IPPK: variants seen among roughly 807,000 people sequenced by gnomAD.
IPPK encodes IPK1 homolog.
A neutral mutation model predicts 64.6 loss-of-function variants in IPPK; 22 were observed. The observed-to-expected ratio is 0.34, with a 90% CI of 0.24 to 0.49. The LOEUF is 0.49. Ranked by LOEUF, IPPK falls within the 20% of genes least tolerant of loss-of-function variation. The pLI is 0.99. For synonymous variants in IPPK, 262 were observed against 247.2 expected (o/e 1.06, Z -0.56); for missense variants, 532 against 630.7 (o/e 0.84, Z 1.68).
intron 6 of IPPK, 38 bp downstream of exon 6, chr9:92,648,021 G>A (rs770367930): frequency 5.6e-6 from 8 of 1,439,416 alleles, no homozygotes; most frequent in Non-Finnish European, 7.8e-6. Context: ...TCCCCAGCGT[G>A]CAGCTAGAGT....
At chr9:92,641,119 C>T (rs1161707541) in intron 7 of IPPK, among the ~76,000 whole-genome samples, 2 of 152,234 alleles carry the variant, frequency 1.3e-5, no homozygotes, top group Non-Finnish European at 2.9e-5. Flanking sequence ...CAACCCGAGA[C>T]GGGTTAAGGG....
intron 4 of IPPK, among the ~76,000 whole-genome samples, chr9:92,652,266 G>A (rs1482747981): frequency 6.6e-6 from 1 of 151,822 alleles, no homozygotes; most frequent in African/African-American, 2.4e-5. Flanking sequence ...TGGCTAACAC[G>A]GTGAAACCCC....
At position 92,635,931 on chromosome 9, in the gene IPPK, G is replaced by A. The variant is rs573340516; in HGVS notation, c.917-623C>T. On this transcript the variant is annotated intron_variant, in intron 9 of 12. Transcript: ENST00000287996. This position sits in a 1 kb window ranked among gnomAD's most constrained non-coding sequence, Gnocchi z 4.4. ...AGAGGCAGGTAAGACCTGGGCTGGC[G>A]ACAGGCACGAGCTCAGAACCAGCCA... Among the ~76,000 whole-genome samples, 3 of 152,210 alleles carry A rather than the reference G, an allele frequency of 2.0e-5. No individual in the cohort carries two copies. Among genetic ancestry groups the A allele is most frequent in the East Asian group, 1.9e-4 (1 of 5,166 alleles).
intron 11 of IPPK, among the ~76,000 whole-genome samples, chr9:92,627,786 A>G (rs560323949): frequency 2.6e-5 from 4 of 152,330 alleles, no homozygotes; most frequent in South Asian, 4.1e-4. Flanking sequence ...AAGACCAAGA[A>G]CAAATCAGGG....
intron 6 of IPPK, among the ~76,000 whole-genome samples, chr9:92,645,197 C>G (rs1042328132): frequency 2.0e-5 from 3 of 151,842 alleles, no homozygotes; most frequent in African/African-American, 7.3e-5. Context: ...TCGAGACCAG[C>G]CTGGGCAACA....
intron 12 of IPPK, chr9:92,617,766 G>A (rs920733615): frequency 1.7e-5 from 3 of 173,416 alleles, no homozygotes; most frequent in African/African-American, 7.2e-5. Context: ...AGGTCGAGAG[G>A]AGCATCAGGG....
Position 92,635,400 on chromosome 9 carries a change from T to G in IPPK, c.917-92A>C, listed in dbSNP as rs889227129. 15 of 1,381,192 alleles carry G rather than the reference T, an allele frequency of 1.1e-5. No homozygotes were observed. Among genetic ancestry groups the G allele is most frequent in the African/African-American group, 4.3e-5 (3 of 69,068 alleles). The allele number at this position is 1,381,192 out of a possible 1,614,324, so 85.6% of individuals were successfully genotyped here. A position where few individuals can be genotyped will look rare whatever the true frequency, so the allele number is the denominator to read the frequency against. On this transcript the variant is annotated intron_variant, in intron 9 of 12. Transcript: ENST00000287996. The surrounding 1 kb of genome is among the most constrained non-coding windows in gnomAD (Gnocchi z 4.4). ...CCGGCGCAGACCGCAGGGCTCATCC[T>G]GGGCTCCGCCATACGGGCATCACCA... is the stretch of plus-strand genomic sequence containing the variant.
chr9:92,628,890 C>T (rs917737327), intron 11 of IPPK, among the ~76,000 whole-genome samples: 1 of 150,586 alleles, frequency 6.6e-6, no homozygotes, highest in African/African-American at 2.4e-5. Context: ...AAAAAAAAAA[C>T]AAAAAAATGG....
chr9:92,636,870 C>A (rs1017934179), intron 9 of IPPK, among the ~76,000 whole-genome samples: 2 of 152,096 alleles, frequency 1.3e-5, no homozygotes, highest in Admixed American at 6.6e-5. Context: ...GTTGGTGCCC[C>A]CAGACCACCT....
At chr9:92,618,484 C>A in intron 12 of IPPK, 1 of 456,694 alleles carries the variant, frequency 2.2e-6, no homozygotes, top group South Asian at 1.5e-5. Flanking sequence ...CCTAAGGGCA[C>A]CCTGCATCCA....
chr9:92,638,368 G>A (rs1851985138), intron 8 of IPPK, 88 bp from the exon 9 acceptor site: 1 of 1,467,504 alleles, frequency 6.8e-7, no homozygotes, highest in Non-Finnish European at 9.3e-7. Flanking sequence ...ATCCCAGGCA[G>A]CGGGTGAAAG....
intron 4 of IPPK, among the ~76,000 whole-genome samples, chr9:92,652,349 T>C (rs942082784): frequency 6.7e-6 from 1 of 148,956 alleles, no homozygotes; most frequent in African/African-American, 2.5e-5. Context: ...CTCGGGAGGC[T>C]GAGGCAGAAG....
intron 2 of IPPK, among the ~76,000 whole-genome samples, chr9:92,658,116 A>T (rs1242747903): frequency 6.6e-6 from 1 of 152,228 alleles, no homozygotes; most frequent in Non-Finnish European, 1.5e-5. Context: ...ATTTGCACAG[A>T]AAGCTGCAAC....
intron 1 of IPPK, among the ~76,000 whole-genome samples, chr9:92,667,993 G>A (rs1334363510): frequency 6.6e-6 from 1 of 150,900 alleles, no homozygotes; most frequent in Non-Finnish European, 1.5e-5. Context: ...CAATCAACCT[G>A]GCGTGGTGGC....
chr9:92,670,124 C>T lies in IPPK; in HGVS notation c.-136G>A. ...CTGCCGCCCCCGCTCGACCCCGCCG[C>T]GGCGACTAGCAAGCTGTGGCCGCCG... On this transcript the variant is annotated 5_prime_UTR_variant, in exon 1 of 13. Transcript: ENST00000287996. 1 of 565,210 alleles carries T rather than the reference C, an allele frequency of 1.8e-6. No homozygotes were observed. Among genetic ancestry groups the T allele is most frequent in the Non-Finnish European group, 3.0e-6 (1 of 338,716 alleles). 35.0% of individuals were successfully genotyped at this position (565,210 alleles called of 1,614,324 possible).
chr9:92,625,361 C>A (rs1191294157), intron 11 of IPPK, among the ~76,000 whole-genome samples: 1 of 152,106 alleles, frequency 6.6e-6, no homozygotes, highest in East Asian at 1.9e-4. Flanking sequence ...ATAAACCCTG[C>A]AATTTTACAT....
intron 11 of IPPK, among the ~76,000 whole-genome samples, chr9:92,628,045 C>T (rs953610835): frequency 2.0e-5 from 3 of 152,154 alleles, no homozygotes; most frequent in Admixed American, 2.0e-4. Flanking sequence ...CACCTGAATA[C>T]ACTTGTAATG....
chr9:92,613,380 C>CT lies in IPPK; in HGVS notation c.*2451dup. On this transcript the variant is annotated 3_prime_UTR_variant, in exon 13 of 13. Transcript: ENST00000287996. ...GTACAATGTGGTTTATAAAAATAAG[C>CT]TTAACATCTGAGAAAATGTACCAAG... 1 of 468,534 alleles carries CT rather than the reference C, an allele frequency of 2.1e-6. No homozygotes were observed. Among genetic ancestry groups the CT allele is most frequent in the Admixed American group, 3.4e-5 (1 of 29,704 alleles). 29.0% of individuals were successfully genotyped at this position (468,534 alleles called of 1,614,324 possible).
intron 5 of IPPK, among the ~76,000 whole-genome samples, chr9:92,648,878 A>C (rs1454526706): frequency 3.3e-5 from 5 of 152,224 alleles, no homozygotes; most frequent in Non-Finnish European, 7.3e-5. Context: ...TCCAGCCCCC[A>C]CTGCCTGGCA....
Sources: gnomAD v4.1 joint callset for allele counts (sites outside exome capture counted in the v4.1 genomes callset) on GRCh38, gnomAD v4.1.1 for gene constraint, Gnocchi (gnomAD v3.1) non-coding constraint, MANE v1.5 for transcripts, NCBI Gene and HGNC (gene_info 2026-07-23, HGNC 2026-07-21) for gene names.